OOSP1: variants seen among roughly 807,000 people sequenced by gnomAD.
OOSP1 encodes oocyte secreted protein 1.
A neutral mutation model predicts 5.7 loss-of-function variants in OOSP1; 11 were observed. The observed-to-expected ratio is 1.94, with a 90% CI of 1.22 to 3.20. The LOEUF (loss-of-function observed/expected upper bound fraction) is 3.20, where lower values mean the gene tolerates loss of function less well. Among genes scored for constraint, OOSP1 ranks in the 30% most tolerant of loss-of-function variants. The pLI is 0.00. For synonymous variants in OOSP1, 44 were observed against 20.0 expected (o/e 2.20, Z -3.20); for missense variants, 83 against 54.1 (o/e 1.53, Z -1.67).
intron 3 of OOSP1, among the ~76,000 whole-genome samples, chr11:59,947,530 G>GT (rs1244078170): frequency 6.6e-6 from 1 of 152,134 alleles, no homozygotes; most frequent in Non-Finnish European, 1.5e-5. Context: ...CCAGAAGTCT[G>GT]TTTTTTAAGT....
At chr11:59,945,615 T>TG (rs1278310134) in intron 3 of OOSP1, among the ~76,000 whole-genome samples, 19 of 146,820 alleles carry the variant, frequency 1.3e-4, no homozygotes, top group African/African-American at 3.5e-4. Context: ...CTGGGCATGG[T>TG]GGGGGGTTGC....
intron 4 of OOSP1, among the ~76,000 whole-genome samples, chr11:59,955,695 T>C (rs1178056010): frequency 6.6e-6 from 1 of 152,092 alleles, no homozygotes; most frequent in Non-Finnish European, 1.5e-5. Flanking sequence ...TATGGCTCAC[T>C]GCAGCCTCAA....
Position 59,957,144 on chromosome 11 carries a change from T to A in OOSP1, c.487-51T>A, listed in dbSNP as rs573063473. ...TGCTTCTTTGAATTCTGTAAAAATTTAACTGTAATGTAATTGATGAATCTA... is the reference window on the plus strand; with the variant it reads ...TGCTTCTTTGAATTCTGTAAAAATTAAACTGTAATGTAATTGATGAATCTA... On this transcript the variant is annotated intron_variant, in intron 4 of 4. Transcript: ENST00000646685. The A allele has an allele frequency of 6.1e-4, 243 of 396,790 alleles. 2 individuals carry two copies. The Middle Eastern group carries it at 0.014, about 23-fold the overall frequency. 24.6% of individuals were successfully genotyped at this position (396,790 alleles called of 1,614,324 possible).
chr11:59,952,299 C>T (rs181749280), intron 4 of OOSP1, among the ~76,000 whole-genome samples: 26 of 151,928 alleles, frequency 1.7e-4, no homozygotes, highest in Admixed American at 5.9e-4. Flanking sequence ...GGTATCTACC[C>T]AAAGGAAAAT....
chr11:59,954,130 T>C (rs1212122722), intron 4 of OOSP1, among the ~76,000 whole-genome samples: 2 of 152,138 alleles, frequency 1.3e-5, no homozygotes, highest in Non-Finnish European at 2.9e-5. Context: ...TCAAAACATA[T>C]GTAAACATAG....
exon 3 of OOSP1, chr11:59,945,192 T>C (rs1313458341): frequency 2.8e-6 from 2 of 702,808 alleles, no homozygotes; most frequent in Non-Finnish European, 5.2e-6. Flanking sequence ...TTCTTCTGCT[T>C]AAAACTAAAA....
At chr11:59,951,368 G>A (rs1012043263) in intron 4 of OOSP1, among the ~76,000 whole-genome samples, 5 of 152,104 alleles carry the variant, frequency 3.3e-5, no homozygotes, top group Non-Finnish European at 7.4e-5. Context: ...TTGAACTTTA[G>A]AGCCCAGGTA....
chr11:59,954,797 A>G (rs1853977829), intron 4 of OOSP1, among the ~76,000 whole-genome samples: 1 of 152,152 alleles, frequency 6.6e-6, no homozygotes, highest in African/African-American at 2.4e-5. Context: ...GGATTCATGT[A>G]TGATCCTCAT....
At chr11:59,944,650 C>T (rs1286808021) in intron 2 of OOSP1, among the ~76,000 whole-genome samples, 1 of 152,096 alleles carries the variant, frequency 6.6e-6, no homozygotes, top group East Asian at 1.9e-4. Context: ...CTGAAAACAG[C>T]TATACTTCCT....
Position 59,953,556 on chromosome 11 carries a change from A to T in OOSP1, c.487-3639A>T, listed in dbSNP as rs58419001. 7.8e-3 allele frequency among the ~76,000 whole-genome samples: 1,194 copies of T among 152,218 alleles called. 24 individuals carry two copies. Among genetic ancestry groups the T allele is most frequent in the African/African-American group, 0.027 (1,107 of 41,534 alleles). ...GATTGGTATGTGCTTTCTAATGCGG[A>T]GTCTCTGGAAAGTGGGTGTTCTGTA... On this transcript the variant is annotated intron_variant, in intron 4 of 4. Transcript: ENST00000646685.
exon 5 of OOSP1, chr11:59,957,291 C>A (rs769763887): frequency 2.5e-6 from 1 of 397,736 alleles, no homozygotes; most frequent in Non-Finnish European, 4.4e-6. Flanking sequence ...TGCTGTTGAG[C>A]GAGATGATAG....
chr11:59,950,766 G>A (rs1853932274), intron 4 of OOSP1, among the ~76,000 whole-genome samples: 1 of 152,134 alleles, frequency 6.6e-6, no homozygotes, highest in Admixed American at 6.6e-5. Flanking sequence ...GAAACCCAAA[G>A]GTATGAGTAC....
chr11:59,947,105 A>G (rs1251343760), intron 3 of OOSP1, among the ~76,000 whole-genome samples: 1 of 152,130 alleles, frequency 6.6e-6, no homozygotes, highest in Non-Finnish European at 1.5e-5. Flanking sequence ...TTTTCTGGTT[A>G]AAATCCTGAA....
At chr11:59,946,296 C>T (rs1474691121) in intron 3 of OOSP1, among the ~76,000 whole-genome samples, 1 of 152,230 alleles carries the variant, frequency 6.6e-6, no homozygotes, top group Admixed American at 6.5e-5. Context: ...CATCCCCAAA[C>T]CATCACCCCC....
At chr11:59,946,332 A>C (rs978263607) in intron 3 of OOSP1, among the ~76,000 whole-genome samples, 1 of 152,222 alleles carries the variant, frequency 6.6e-6, no homozygotes, top group African/African-American at 2.4e-5. Context: ...TGTCTTCCAC[A>C]AAATTGGCCC....
chr11:59,946,915 ATATCTATCTATC>A (rs10555344), intron 3 of OOSP1, among the ~76,000 whole-genome samples: 5,191 of 145,202 alleles, frequency 0.036, 138 homozygotes, highest in East Asian at 0.047. Context: ...CTCATCTACC[ATATCTATCTATC>A]TATCTATCTA....
intron 1 of OOSP1, among the ~76,000 whole-genome samples, chr11:59,942,100 TA>T (rs1565230938): frequency 6.6e-6 from 1 of 152,180 alleles, no homozygotes; most frequent in African/African-American, 2.4e-5. Context: ...TCTAGTATCT[TA>T]AGAGCAACTG....
chr11:59,948,779 T>A (rs1258505747), intron 4 of OOSP1: 1 of 398,020 alleles, frequency 2.5e-6, no homozygotes, highest in African/African-American at 2.1e-5. Context: ...TCTGTCCCCT[T>A]TGATATTGAG....
intron 3 of OOSP1, among the ~76,000 whole-genome samples, chr11:59,947,113 G>T (rs1421321900): frequency 2.0e-5 from 3 of 151,912 alleles, no homozygotes; most frequent in Non-Finnish European, 2.9e-5. Flanking sequence ...TTAAAATCCT[G>T]AACTGAAATT....
Sources: allele counts gnomAD v4.1 joint callset (sites outside exome capture counted in the v4.1 genomes callset), GRCh38; gene constraint gnomAD v4.1.1; transcripts MANE v1.5; gene names NCBI Gene and HGNC (gene_info 2026-07-23, HGNC 2026-07-21).